Variants in THSD4 observed in about 807,000 individuals in gnomAD.
THSD4 encodes thrombospondin type-1 domain-containing protein 4.
THSD4 carries 69 observed loss-of-function variants against 119.0 expected under a neutral mutation model. The observed-to-expected ratio is 0.58, with a 90% CI of 0.48 to 0.71. The LOEUF is 0.71. Among genes scored for constraint, THSD4 ranks in the 30% least tolerant of loss-of-function variants. THSD4 has a pLI of 0.00. For synonymous variants in THSD4, 524 were observed against 540.4 expected, an observed-to-expected ratio of 0.97 and a Z score of 0.42; for missense variants, 1,393 against 1,391.1, an observed-to-expected ratio of 1.00 and a Z score of -0.02.
At chr15:71,491,850 C>T (rs919358252) in intron 7 of THSD4, among the ~76,000 whole-genome samples, 8 of 151,946 alleles carry the variant, frequency 5.3e-5, no homozygotes, top group Non-Finnish European at 1.0e-4. Flanking sequence ...GCCTGGTTGA[C>T]AGAGTGAGGC....
intron 6 of THSD4, among the ~76,000 whole-genome samples, chr15:71,407,709 G>A (rs544826186): frequency 3.9e-4 from 60 of 152,038 alleles, no homozygotes; most frequent in African/African-American, 8.0e-4. Flanking sequence ...AAATTCAGGC[G>A]TGGGATCTGA....
At chr15:71,641,698 A>T (rs796441514) in intron 7 of THSD4, among the ~76,000 whole-genome samples, 2 of 152,100 alleles carry the variant, frequency 1.3e-5, no homozygotes, top group African/African-American at 4.8e-5. Flanking sequence ...TGTCACTTTC[A>T]TAATAAAAGG....
At chr15:71,493,222 A>G (rs113535925) in intron 7 of THSD4, among the ~76,000 whole-genome samples, 6,435 of 152,272 alleles carry the variant, frequency 0.042, 226 homozygotes, top group African/African-American at 0.1. Context: ...AGAATGGCGG[A>G]TTTTTTTGTG....
chr15:71,632,267 G>A (rs536640271), intron 7 of THSD4, among the ~76,000 whole-genome samples: 22 of 152,210 alleles, frequency 1.4e-4, no homozygotes, highest in African/African-American at 5.1e-4. Context: ...CCTGAGTTCT[G>A]TACCACCAGT....
chr15:71,710,551 T>C (rs1274534414), intron 8 of THSD4, among the ~76,000 whole-genome samples: 4 of 152,206 alleles, frequency 2.6e-5, no homozygotes, highest in Admixed American at 2.6e-4. Flanking sequence ...CAGGTCAATT[T>C]TGGCTTATTA....
At chr15:71,140,028 A>T (rs990435661) in intron 1 of THSD4, among the ~76,000 whole-genome samples, 1 of 152,216 alleles carries the variant, frequency 6.6e-6, no homozygotes, top group Non-Finnish European at 1.5e-5. Context: ...AATTTTTAGA[A>T]ATTTTGTTTA....
intron 6 of THSD4, among the ~76,000 whole-genome samples, chr15:71,325,613 A>G (rs181953007): frequency 3.3e-5 from 5 of 152,346 alleles, no homozygotes; most frequent in Non-Finnish European, 7.3e-5. Context: ...ACAAGGTTAC[A>G]TGATTTGTGA....
chr15:71,701,133 T>C (rs1434129415), intron 8 of THSD4, among the ~76,000 whole-genome samples: 1 of 152,170 alleles, frequency 6.6e-6, no homozygotes, highest in Non-Finnish European at 1.5e-5. Context: ...TAATAGCTAA[T>C]ATCCTTAATA....
chr15:71,716,251 G>A (rs1043254464), intron 8 of THSD4, among the ~76,000 whole-genome samples: 10 of 152,248 alleles, frequency 6.6e-5, no homozygotes, highest in African/African-American at 2.4e-4. Context: ...AAGGACACCA[G>A]TCATACTGGA....
At chr15:71,380,950 A>G (rs946299725) in intron 6 of THSD4, among the ~76,000 whole-genome samples, 1 of 152,158 alleles carries the variant, frequency 6.6e-6, no homozygotes, top group African/African-American at 2.4e-5. Flanking sequence ...GAGGGTGGCA[A>G]TTTAATGTCG....
intron 8 of THSD4, among the ~76,000 whole-genome samples, chr15:71,719,710 C>T (rs1236930246): frequency 6.6e-6 from 1 of 152,204 alleles, no homozygotes; most frequent in Non-Finnish European, 1.5e-5. Flanking sequence ...AGGTCTCACT[C>T]CGTCTCCCGG....
chr15:71,109,840 A>G (rs985423967), intron 1 of THSD4, among the ~76,000 whole-genome samples: 1 of 152,104 alleles, frequency 6.6e-6, no homozygotes, highest in African/African-American at 2.4e-5. Flanking sequence ...GAGAGGCAGG[A>G]TGAAGGTGAG....
At chr15:71,776,445 G>A (rs1466052332) in intron 17 of THSD4, among the ~76,000 whole-genome samples, 1 of 152,188 alleles carries the variant, frequency 6.6e-6, no homozygotes, top group Non-Finnish European at 1.5e-5. Flanking sequence ...AAGGAAGCTT[G>A]AATGGCAAAT....
At chr15:71,532,621 G>C (rs758884242) in intron 7 of THSD4, among the ~76,000 whole-genome samples, 2 of 151,990 alleles carry the variant, frequency 1.3e-5, no homozygotes, top group African/African-American at 4.8e-5. Flanking sequence ...AGCCAGGGTG[G>C]AATTACTTAA....
intron 6 of THSD4, among the ~76,000 whole-genome samples, chr15:71,358,508 C>T (rs990711193): frequency 2.6e-5 from 4 of 152,218 alleles, no homozygotes; most frequent in Admixed American, 1.3e-4. Context: ...GTGGGGCTTT[C>T]AAGAGCTTCA....
At chr15:71,548,858 G>A (rs1401603468) in intron 7 of THSD4, among the ~76,000 whole-genome samples, 1 of 152,156 alleles carries the variant, frequency 6.6e-6, no homozygotes, top group Non-Finnish European at 1.5e-5. Flanking sequence ...TTCTATCACC[G>A]CTGCATGCAC....
intron 6 of THSD4, among the ~76,000 whole-genome samples, chr15:71,257,210 C>A (rs2044328379): frequency 1.3e-5 from 2 of 152,146 alleles, no homozygotes; most frequent in South Asian, 4.1e-4. Context: ...GTACAAGATC[C>A]CCGTCATTTC....
intron 6 of THSD4, among the ~76,000 whole-genome samples, chr15:71,404,173 TATC>T (rs2046575092): frequency 6.6e-6 from 1 of 152,204 alleles, no homozygotes; most frequent in African/African-American, 2.4e-5. Flanking sequence ...ATATAACTAT[TATC>T]ATGATATGAT....
chr15:71,376,194 C>T (rs2046134487), intron 6 of THSD4, among the ~76,000 whole-genome samples: 1 of 152,178 alleles, frequency 6.6e-6, no homozygotes, highest in South Asian at 2.1e-4. Context: ...GCTCACACCT[C>T]TTGCATGTGC....
Sources: allele counts gnomAD v4.1 joint callset (sites outside exome capture counted in the v4.1 genomes callset), GRCh38; gene constraint gnomAD v4.1.1; transcripts MANE v1.5; gene names NCBI Gene and HGNC (gene_info 2026-07-23, HGNC 2026-07-21).